RCC1: variants seen among roughly 807,000 people sequenced by gnomAD.
The protein encoded by RCC1 is regulator of chromosome condensation.
In RCC1, 11 loss-of-function variants were observed where a neutral mutation model predicts 44.4. The ratio of observed to expected loss-of-function variants is 0.25; its 90% CI spans 0.16 to 0.41. RCC1 has a LOEUF of 0.41. Among genes scored for constraint, RCC1 ranks in the 10% least tolerant of loss-of-function variants. The probability of loss-of-function intolerance (pLI) is 1.00; values close to 1 mark genes in which losing one functional copy is unlikely to be tolerated. For missense variants in RCC1, 386 were observed against 547.1 expected, an observed-to-expected ratio of 0.71 and a Z score of 2.94; for synonymous variants, 213 against 216.5, an observed-to-expected ratio of 0.98 and a Z score of 0.14.
chr1:28,519,797 T>A (rs1396459795), intron 4 of RCC1, among the ~76,000 whole-genome samples: 1 of 151,578 alleles, frequency 6.6e-6, no homozygotes, highest in African/African-American at 2.4e-5. Context: ...GGTCTTGAAC[T>A]CCTGACCTCA....
At chr1:28,534,710 C>G (rs529560990) in intron 7 of RCC1, among the ~76,000 whole-genome samples, 5 of 152,212 alleles carry the variant, frequency 3.3e-5, no homozygotes, top group South Asian at 4.2e-4. Context: ...TGAGCTCAAG[C>G]GATCTGCCCA....
chr1:28,532,385 A>T (rs1270181821), intron 7 of RCC1, 35 bp downstream of exon 7: 2 of 1,608,078 alleles, frequency 1.2e-6, no homozygotes, highest in Non-Finnish European at 1.7e-6. Flanking sequence ...ATGGTCCCTG[A>T]AAGACAGAAT....
At position 28,538,226 on chromosome 1, in the gene RCC1, G is replaced by C; in HGVS notation, c.*219G>C. ...GAATAAAGGGGGGGATGGACAGGGG[G>C]TTTTCAAAAGGAACATGGCTCACTC... On this transcript the variant is annotated 3_prime_UTR_variant, in exon 13 of 13. Transcript: ENST00000683442. 7 of 432,156 alleles carry C rather than the reference G, an allele frequency of 1.6e-5. No homozygotes were observed. Among genetic ancestry groups the C allele is most frequent in the East Asian group, 8.2e-5 (2 of 24,464 alleles). 26.8% of individuals were successfully genotyped at this position (432,156 alleles called of 1,614,324 possible). A position where few individuals can be genotyped will look rare whatever the true frequency, so the allele number is the denominator to read the frequency against.
At chr1:28,520,622 G>T (rs1312690954) in intron 4 of RCC1, among the ~76,000 whole-genome samples, 5 of 152,178 alleles carry the variant, frequency 3.3e-5, no homozygotes, top group Non-Finnish European at 1.5e-5. Flanking sequence ...GATGGTGGAA[G>T]CTGACTCTGT....
intron 4 of RCC1, among the ~76,000 whole-genome samples, chr1:28,517,190 G>A (rs1024030162): frequency 2.6e-5 from 4 of 152,042 alleles, no homozygotes; most frequent in African/African-American, 7.2e-5. Flanking sequence ...TTTGGGTGCC[G>A]TAGAATGACT....
chr1:28,511,429 C>CT (rs11431331), intron 3 of RCC1, among the ~76,000 whole-genome samples: 19,145 of 148,032 alleles, frequency 0.13, 3,060 homozygotes, highest in African/African-American at 0.38. Flanking sequence ...GAGAGGGAGT[C>CT]TCGCTCTGTC....
In RCC1 at chr1:28,536,371, G is replaced by A. The variant is rs1376816719; in HGVS notation, c.927G>A (p.Met309Ile). The change falls in exon 11 of 13, where the codon ATG becomes ATA. Residue 309 changes from methionine to isoleucine, a missense_variant. Met to Ile is a conservative substitution (Grantham distance 10). Coordinates refer to ENST00000683442, the MANE Select transcript of RCC1 (RefSeq NM_001381865.2). This position sits in a 1 kb window ranked among gnomAD's most constrained non-coding sequence, Gnocchi z 4.9. ...FSGGQHHTVC[M>I]DSEGKAYSLG... ...GTGGCCAGCACCATACAGTCTGCATGGATTCGGAAGGTAGGGCCTTTACGT... is the reference window on the plus strand; with the variant it reads ...GTGGCCAGCACCATACAGTCTGCATAGATTCGGAAGGTAGGGCCTTTACGT... The A allele has an allele frequency of 1.9e-6, 3 of 1,613,726 alleles. No homozygotes were observed. Among genetic ancestry groups the A allele is most frequent in the East Asian group, 4.5e-5 (2 of 44,876 alleles).
chr1:28,530,926 A>T (rs1019703789), intron 5 of RCC1, among the ~76,000 whole-genome samples: 1 of 152,120 alleles, frequency 6.6e-6, no homozygotes, highest in Non-Finnish European at 1.5e-5. Flanking sequence ...GAGACTGGGG[A>T]TTGTTCTCTG....
At chr1:28,519,931 G>A (rs527526529) in intron 4 of RCC1, among the ~76,000 whole-genome samples, 4 of 150,952 alleles carry the variant, frequency 2.6e-5, no homozygotes, top group African/African-American at 9.7e-5. Context: ...GTAGTATAGT[G>A]TCGTGCTCTC....
At chr1:28,534,219 C>T (rs570024779) in intron 7 of RCC1, among the ~76,000 whole-genome samples, 4 of 152,042 alleles carry the variant, frequency 2.6e-5, no homozygotes, top group East Asian at 1.9e-4. Context: ...CTCGCTTTGT[C>T]GCCCAGGCTG....
At chr1:28,521,033 C>T (rs1663235609) in intron 4 of RCC1, among the ~76,000 whole-genome samples, 2 of 151,442 alleles carry the variant, frequency 1.3e-5, no homozygotes, top group Admixed American at 6.6e-5. Context: ...GAGCTGAGAT[C>T]GTGAGTCTGA....
chr1:28,516,521 G>A (rs1662906981), intron 3 of RCC1, among the ~76,000 whole-genome samples: 2 of 149,158 alleles, frequency 1.3e-5, no homozygotes, highest in South Asian at 4.2e-4. Context: ...AAAAAAAAGA[G>A]TTGAGGTCTC....
intron 3 of RCC1, among the ~76,000 whole-genome samples, chr1:28,515,366 G>A (rs186078895): frequency 8.5e-4 from 130 of 152,078 alleles, no homozygotes; most frequent in Non-Finnish European, 1.5e-3. Context: ...AGAGGTTGCA[G>A]TGAGCCGAGA....
intron 5 of RCC1, chr1:28,530,729 G>A (rs1664095364): frequency 1.3e-6 from 1 of 764,324 alleles, no homozygotes; most frequent in Non-Finnish European, 2.0e-6. Flanking sequence ...CGGGTTGGGG[G>A]GCCGCCTTTG....
chr1:28,531,259 CTTTTTCTTTT>C (rs1664148434), intron 5 of RCC1, among the ~76,000 whole-genome samples: 1 of 132,452 alleles, frequency 7.5e-6, no homozygotes, highest in African/African-American at 3.1e-5. Context: ...GCTTTCTTTT[CTTTTTCTTTT>C]TTTTTTTTTT....
At chr1:28,512,261 C>T (rs981928285) in intron 3 of RCC1, among the ~76,000 whole-genome samples, 3 of 102,936 alleles carry the variant, frequency 2.9e-5, no homozygotes, top group African/African-American at 1.5e-4. Flanking sequence ...TAACCACTAT[C>T]CTCACCTCCC....
chr1:28,536,634 C>A lies in RCC1; in HGVS notation c.938-113C>A. The A allele has an allele frequency of 1.5e-6, 2 of 1,321,472 alleles. No homozygotes were observed. The highest frequency in any genetic ancestry group is 2.0e-5 in the Admixed American group (1 of 49,824). The allele number at this position is 1,321,472 out of a possible 1,614,324, so 81.9% of individuals were successfully genotyped here. ...GAGACACTGCAGATCTCCTTCTGAT[C>A]GCTCTGGGAGCAGGGACACACTCCC... On this transcript the variant is annotated intron_variant, in intron 11 of 12. Coordinates refer to ENST00000683442, the MANE Select transcript of RCC1 (RefSeq NM_001381865.2). This position sits in a 1 kb window ranked among gnomAD's most constrained non-coding sequence, Gnocchi z 4.9.
chr1:28,516,341 GTC>G (rs1662893769), intron 3 of RCC1, among the ~76,000 whole-genome samples: 1 of 151,920 alleles, frequency 6.6e-6, no homozygotes, highest in Non-Finnish European at 1.5e-5. Context: ...GTGAAACCCT[GTC>G]TCTACTAAAA....
chr1:28,535,039 C>T lies in RCC1; in HGVS notation c.442-11C>T. 3.7e-6 allele frequency: 6 copies of T among 1,611,192 alleles called. No homozygotes were observed. The highest frequency in any genetic ancestry group is 5.1e-6 in the Non-Finnish European group (6 of 1,177,440). Reference sequence around the variant, plus strand: ...GGACTGGCTGATAAGTGCCCTGTCCCTCCCTTCTAGGACAATAACGGTGTG... The same window carrying T: ...GGACTGGCTGATAAGTGCCCTGTCCTTCCCTTCTAGGACAATAACGGTGTG... On this transcript the variant is annotated splice_polypyrimidine_tract_variant and intron_variant, in intron 7 of 12. Coordinates refer to ENST00000683442, the MANE Select transcript of RCC1 (RefSeq NM_001381865.2).
Sources: allele counts gnomAD v4.1 joint callset (sites outside exome capture counted in the v4.1 genomes callset), GRCh38; gene constraint gnomAD v4.1.1; non-coding constraint Gnocchi (gnomAD v3.1); transcripts MANE v1.5; gene names NCBI Gene and HGNC (gene_info 2026-07-23, HGNC 2026-07-21).